Variants in MTR observed in about 807,000 individuals in gnomAD.
MTR encodes the protein methionine synthase.
MTR carries 84 observed loss-of-function variants against 154.8 expected under a neutral mutation model. The observed-to-expected ratio is 0.54, with a 90% CI of 0.45 to 0.65. The LOEUF is 0.65. MTR is among the 30% of genes least tolerant of loss of function. MTR has a pLI of 0.00. For synonymous variants in MTR, 554 were observed against 553.9 expected (o/e 1.00, Z 0.00); for missense variants, 1,275 against 1,570.2 (o/e 0.81, Z 3.18).
chr1:236,889,112 G>A, intron 27 of MTR, 69 bp from the exon 28 acceptor site: 1 of 1,589,292 alleles, frequency 6.3e-7, no homozygotes, highest in South Asian at 1.1e-5. Context: ...GCAGTGAGGA[G>A]CTGGCAGGGA....
At chr1:236,803,315 A>G (rs1572181265) in intron 1 of MTR, 113 bp from the exon 2 acceptor site, 8 of 1,083,708 alleles carry the variant, frequency 7.4e-6, no homozygotes, top group Admixed American at 2.0e-5. Flanking sequence ...TGCATCTTTT[A>G]TAAACTCCAT....
chr1:236,864,905 A>T (rs913828853), intron 22 of MTR, among the ~76,000 whole-genome samples: 1 of 152,232 alleles, frequency 6.6e-6, no homozygotes, highest in Non-Finnish European at 1.5e-5. Flanking sequence ...AGCCAGGTAC[A>T]TGTTCAGCCT....
intron 31 of MTR, among the ~76,000 whole-genome samples, chr1:236,896,289 A>G (rs1666619821): frequency 6.6e-6 from 1 of 152,228 alleles, no homozygotes; most frequent in African/African-American, 2.4e-5. Context: ...CGGAATTAAT[A>G]AAAAGCATGC....
intron 8 of MTR, among the ~76,000 whole-genome samples, chr1:236,819,324 A>G (rs1419694376): frequency 6.6e-6 from 1 of 152,182 alleles, no homozygotes; most frequent in Non-Finnish European, 1.5e-5. Flanking sequence ...TGCTGTTTCC[A>G]GAATGGTATA....
chr1:236,874,834 C>G lies in MTR; in HGVS notation c.2582C>G (p.Ala861Gly). 1 of 1,613,752 alleles carries G rather than the reference C, an allele frequency of 6.2e-7. No homozygotes were observed. Among genetic ancestry groups the G allele is most frequent in the Non-Finnish European group, 8.5e-7 (1 of 1,179,834 alleles). The change falls in exon 24 of 33, where the codon GCA becomes GGA. Residue 861 changes from alanine (A) to glycine (G), a missense_variant. Ala to Gly is a moderately conservative substitution (Grantham distance 60). Coordinates refer to ENST00000366577, the MANE Select transcript of MTR (RefSeq NM_000254.3). ...AIRIPLLIGGATTSKTHTAVK... is the reference protein window; with the variant it reads ...AIRIPLLIGGGTTSKTHTAVK... ...AGGATTCCATTGTTGATTGGAGGAG[C>G]AACCACTTCAAAGTAAGTTATACTA...
rs1666810824 is a variant in MTR at position 236,898,989 on chromosome 1, T to C, written c.*1345T>C. 1 of 152,166 alleles carries C rather than the reference T, an allele frequency of 6.6e-6. No individual in the cohort carries two copies. The highest frequency in any genetic ancestry group is 1.5e-5 in the Non-Finnish European group (1 of 68,038). The allele number at this position is 152,166 out of a possible 1,614,324, so 9.4% of individuals were successfully genotyped here. On this transcript the variant is annotated 3_prime_UTR_variant, in exon 33 of 33. Transcript: ENST00000366577. ...TCCTACTTCAAGATGGTGGTGGCAA[T>C]AGTCAGGAGAAGGTAACATTGGAGT...
intron 26 of MTR, among the ~76,000 whole-genome samples, chr1:236,885,564 C>G (rs1665967551): frequency 6.6e-6 from 1 of 152,178 alleles, no homozygotes; most frequent in Non-Finnish European, 1.5e-5. Context: ...ATGACTCCCA[C>G]AGACCCCCAT....
At chr1:236,822,303 GT>G (rs1198665229) in intron 8 of MTR, among the ~76,000 whole-genome samples, 4 of 115,238 alleles carry the variant, frequency 3.5e-5, no homozygotes, top group African/African-American at 8.8e-5. Flanking sequence ...GTTTTGTGGG[GT>G]TTTTTTTGTT....
intron 16 of MTR, 115 bp from the exon 17 acceptor site, chr1:236,852,406 A>G (rs1663958364): frequency 1.2e-6 from 1 of 802,642 alleles, no homozygotes; most frequent in Non-Finnish European, 2.2e-6. Context: ...AATTACTTTG[A>G]ACTTCGGATG....
At chr1:236,896,868 T>C (rs1195407472) in intron 31 of MTR, 138 bp from the exon 32 acceptor site, 7 of 766,894 alleles carry the variant, frequency 9.1e-6, no homozygotes, top group Non-Finnish European at 1.7e-5. Context: ...GCTTTCATGC[T>C]GTGTCATGTG....
chr1:236,874,207 T>G (rs1665301989), intron 23 of MTR, among the ~76,000 whole-genome samples: 2 of 152,232 alleles, frequency 1.3e-5, no homozygotes, highest in Admixed American at 1.3e-4. Context: ...ATTGCAACTT[T>G]AAGTTATAAA....
intron 28 of MTR, among the ~76,000 whole-genome samples, chr1:236,890,153 G>C (rs572836564): frequency 5.5e-5 from 8 of 144,904 alleles, no homozygotes; most frequent in Non-Finnish European, 1.3e-4. Context: ...CCCACGGGGG[G>C]GCGTGCCTGG....
At chr1:236,850,827 G>A (rs373917526) in intron 16 of MTR, among the ~76,000 whole-genome samples, 1 of 152,112 alleles carries the variant, frequency 6.6e-6, no homozygotes, top group African/African-American at 2.4e-5. Flanking sequence ...GTGAGGCCCT[G>A]CCTTGAACAA....
Position 236,891,324 on chromosome 1 carries a change from C to T in MTR, c.3199C>T (p.Gln1067Ter). 6.2e-7 allele frequency: 1 copy of T among 1,613,998 alleles called. No individual in the cohort carries two copies. Among genetic ancestry groups the T allele is most frequent in the Non-Finnish European group, 8.5e-7 (1 of 1,179,962 alleles). Residue 1067 changes from glutamine (Q) to a stop codon, truncating the protein, a stop_gained, in exon 29 of 33, where the codon CAA becomes TAA. Transcript: ENST00000366577. LOFTEE classifies it high-confidence loss of function. ...CATAGCCACCTTCTATGGGTTAAGG[C>T]AACAGGTATGGAAGGTGTACTGACA... ...EPIATFYGLR[Q>*]QAEKDSASTE... is the part of the protein sequence containing the mutation.
intron 22 of MTR, among the ~76,000 whole-genome samples, chr1:236,868,056 C>T (rs1572294041): frequency 1.3e-5 from 2 of 152,126 alleles, no homozygotes; most frequent in Admixed American, 6.6e-5. Context: ...GTGAGTAAAA[C>T]GCTATCAAAC....
chr1:236,888,950 C>T (rs541955469), intron 27 of MTR, among the ~76,000 whole-genome samples: 2 of 152,162 alleles, frequency 1.3e-5, no homozygotes, highest in South Asian at 2.1e-4. Flanking sequence ...GGAACAGTTT[C>T]CAAGGGTGGT....
intron 24 of MTR, among the ~76,000 whole-genome samples, chr1:236,879,508 A>T (rs1352110230): frequency 6.6e-6 from 1 of 152,138 alleles, no homozygotes; most frequent in Non-Finnish European, 1.5e-5. Context: ...AGGAGGAGAG[A>T]GGATAAAAGG....
At chr1:236,896,864 A>G (rs1572352122) in intron 31 of MTR, 142 bp from the exon 32 acceptor site, 5 of 764,464 alleles carry the variant, frequency 6.5e-6, no homozygotes, top group Non-Finnish European at 1.2e-5. Context: ...CACAGCTTTC[A>G]TGCTGTGTCA....
intron 6 of MTR, 28 bp downstream of exon 6, chr1:236,812,872 G>A: frequency 3.8e-6 from 6 of 1,585,378 alleles, no homozygotes; most frequent in Non-Finnish European, 5.2e-6. Flanking sequence ...AAACAGACAA[G>A]GCTGGGGTAA....
Sources: allele counts gnomAD v4.1 joint callset (sites outside exome capture counted in the v4.1 genomes callset), GRCh38; gene constraint gnomAD v4.1.1; transcripts MANE v1.5; gene names NCBI Gene and HGNC (gene_info 2026-07-23, HGNC 2026-07-21).